DENND6A: variants seen among roughly 807,000 people sequenced by gnomAD.
DENND6A encodes the protein DENN domain containing 6A, also known as protein DENND6A.
In DENND6A, 43 loss-of-function variants were observed where a neutral mutation model predicts 95.5. The observed-to-expected ratio is 0.45, with a 90% CI of 0.35 to 0.58. The LOEUF (loss-of-function observed/expected upper bound fraction) is 0.58, where lower values mean the gene tolerates loss of function less well. Among genes scored for constraint, DENND6A ranks in the 20% least tolerant of loss-of-function variants. The pLI, the probability that DENND6A is intolerant of heterozygous loss-of-function variation, is 0.00. For synonymous variants in DENND6A, 257 were observed against 260.4 expected (o/e 0.99, Z 0.13); for missense variants, 574 against 736.0 (o/e 0.78, Z 2.55).
At chr3:57,686,446 G>A (rs1165941574) in intron 1 of DENND6A, among the ~76,000 whole-genome samples, 1 of 152,066 alleles carries the variant, frequency 6.6e-6, no homozygotes, top group Admixed American at 6.6e-5. Flanking sequence ...GGCATACCTT[G>A]TTTTATTGTG....
chr3:57,656,748 G>A (rs2071334386), intron 9 of DENND6A, among the ~76,000 whole-genome samples: 1 of 152,278 alleles, frequency 6.6e-6, no homozygotes, highest in East Asian at 1.9e-4. Context: ...CTTGAGGTCA[G>A]GAGTTCGAGA....
At chr3:57,629,507 CTTTT>C (rs1165802821) in intron 18 of DENND6A, among the ~76,000 whole-genome samples, 1 of 98,228 alleles carries the variant, frequency 1.0e-5, no homozygotes, top group Non-Finnish European at 2.0e-5. Context: ...AATCAGTCCG[CTTTT>C]TTTTTTTTTT....
intron 9 of DENND6A, among the ~76,000 whole-genome samples, chr3:57,652,145 C>T (rs184203534): frequency 6.6e-6 from 1 of 152,310 alleles, no homozygotes; most frequent in African/African-American, 2.4e-5. Flanking sequence ...TGAGCGCGGA[C>T]TGGATTACTG....
chr3:57,657,795 A>G, intron 8 of DENND6A, 60 bp from the exon 9 acceptor site: 2 of 1,060,646 alleles, frequency 1.9e-6, no homozygotes, highest in Admixed American at 4.5e-5. Context: ...AAAATTTTAA[A>G]ATATATCTAT....
chr3:57,681,638 G>T (rs370258488), intron 1 of DENND6A, among the ~76,000 whole-genome samples: 1 of 128,332 alleles, frequency 7.8e-6, no homozygotes, highest in African/African-American at 2.8e-5. Context: ...AAAAAAAAAA[G>T]AAAGAAAGAA....
intron 7 of DENND6A, among the ~76,000 whole-genome samples, chr3:57,660,068 G>C (rs948321304): frequency 6.6e-6 from 1 of 152,092 alleles, no homozygotes; most frequent in Admixed American, 6.6e-5. Context: ...ATGGTTCTAG[G>C]AAGCAAAATG....
chr3:57,689,314 G>GA (rs56077522), intron 1 of DENND6A, among the ~76,000 whole-genome samples: 2,211 of 128,006 alleles, frequency 0.017, 21 homozygotes, highest in African/African-American at 0.038. Context: ...TATTCACTCA[G>GA]AAAAAAAAAA....
intron 12 of DENND6A, among the ~76,000 whole-genome samples, chr3:57,636,455 C>T (rs2070794329): frequency 6.6e-6 from 1 of 152,052 alleles, no homozygotes; most frequent in African/African-American, 2.4e-5. Flanking sequence ...AGCTAATTAC[C>T]CGTATCAATG....
Position 57,692,858 on chromosome 3 carries a change from C to T in DENND6A, c.161G>A (p.Arg54His). The T allele has an allele frequency of 6.3e-7, 1 of 1,585,406 alleles. No individual in the cohort carries two copies. ...EDDGRGRGLLRWDSFSAWLHC... is the reference protein window; with the variant it reads ...EDDGRGRGLLHWDSFSAWLHC... The stretch of plus-strand genomic sequence containing the variant: ...CAGCCAGGCGGAGAAGCTGTCCCAG[C>T]GCAGCAGGCCCCGGCCACGGCCATC... The change falls in exon 1 of 20, where the codon CGC becomes CAC. Residue 54 changes from arginine to histidine, a missense_variant. Physicochemically the swap from Arg to His is conservative, Grantham distance 29. Around this residue, in one of 2 missense-constraint regions of DENND6A, gnomAD observed 122 missense variants for 105.1 expected, o/e 1.16. Coordinates refer to ENST00000311128, the MANE Select transcript of DENND6A (RefSeq NM_152678.3).
At chr3:57,690,985 A>C (rs1360071278) in intron 1 of DENND6A, among the ~76,000 whole-genome samples, 2 of 152,218 alleles carry the variant, frequency 1.3e-5, no homozygotes, top group African/African-American at 4.8e-5. Context: ...AAAACTCTAT[A>C]CAGTGGCATA....
chr3:57,674,554 C>T (rs950971049), intron 1 of DENND6A, among the ~76,000 whole-genome samples: 2 of 151,986 alleles, frequency 1.3e-5, no homozygotes, highest in Admixed American at 6.6e-5. Flanking sequence ...TTGCTTGAAC[C>T]TGGACCTGTG....
chr3:57,657,877 G>T, intron 8 of DENND6A, 142 bp from the exon 9 acceptor site: 2 of 543,906 alleles, frequency 3.7e-6, no homozygotes, highest in East Asian at 6.3e-5. Flanking sequence ...GCCAGAGAGG[G>T]AATGGGTCTT....
At chr3:57,643,750 C>T (rs2071002836) in intron 11 of DENND6A, among the ~76,000 whole-genome samples, 2 of 150,860 alleles carry the variant, frequency 1.3e-5, no homozygotes, top group African/African-American at 4.9e-5. Flanking sequence ...TCACTTGAAC[C>T]CAGGAGGTGA....
chr3:57,661,094 C>T (rs182309180), intron 6 of DENND6A, among the ~76,000 whole-genome samples: 238 of 152,108 alleles, frequency 1.6e-3, no homozygotes, highest in African/African-American at 5.4e-3. Flanking sequence ...TCATTTATTA[C>T]TACTAATTAG....
At chr3:57,640,532 A>G (rs913053402) in intron 12 of DENND6A, among the ~76,000 whole-genome samples, 2 of 150,170 alleles carry the variant, frequency 1.3e-5, no homozygotes, top group Non-Finnish European at 3.0e-5. Flanking sequence ...GAGCCGAGAT[A>G]GTGCCACTGT....
intron 9 of DENND6A, among the ~76,000 whole-genome samples, chr3:57,653,388 TG>T (rs2071249349): frequency 6.6e-6 from 1 of 152,186 alleles, no homozygotes; most frequent in Non-Finnish European, 1.5e-5. Context: ...TTATCAAAGT[TG>T]TTTTTTTGGG....
At chr3:57,664,621 T>G (rs566714800) in intron 4 of DENND6A, among the ~76,000 whole-genome samples, 4 of 152,040 alleles carry the variant, frequency 2.6e-5, no homozygotes, top group Non-Finnish European at 5.9e-5. Context: ...GATCATGAGG[T>G]CAGGAGATCA....
In DENND6A at chr3:57,628,830, A is replaced by T; in HGVS notation, c.1676T>A (p.Leu559Ter). Residue 559 changes from leucine (L) to a stop codon, truncating the protein, a stop_gained, in exon 19 of 20, where the codon TTG (leucine) becomes TAG (stop). Coordinates refer to ENST00000311128, the MANE Select transcript of DENND6A (RefSeq NM_152678.3). LOFTEE classifies it high-confidence loss of function. Reference sequence around the variant, plus strand: ...ACATACCAGCTTATTTTTCAGCTTCAAGACAAGGTCTACTGTTTCTACTTC... The same window carrying T: ...ACATACCAGCTTATTTTTCAGCTTCTAGACAAGGTCTACTGTTTCTACTTC... ...HTEVETVDLVLKLKNKLLQAD... is the reference protein window; with the variant it reads ...HTEVETVDLV 6.2e-7 allele frequency: 1 copy of T among 1,612,136 alleles called. No homozygotes were observed. Among genetic ancestry groups the T allele is most frequent in the Non-Finnish European group, 8.5e-7 (1 of 1,179,588 alleles).
At chr3:57,651,774 A>G (rs1012518509) in intron 9 of DENND6A, among the ~76,000 whole-genome samples, 3 of 152,196 alleles carry the variant, frequency 2.0e-5, no homozygotes, top group Non-Finnish European at 4.4e-5. Context: ...GCAAAAGAAC[A>G]TAGAAGCCAC....
Sources: gnomAD v4.1 joint callset for allele counts (sites outside exome capture counted in the v4.1 genomes callset) on GRCh38, gnomAD v4.1.1 for gene constraint, gnomAD v4.1.1 regional missense constraint, MANE v1.5 for transcripts, NCBI Gene and HGNC (gene_info 2026-07-23, HGNC 2026-07-21) for gene names.